The following ABLIM2 variants were observed in gnomAD, a reference collection of about 807,000 sequenced individuals.
The protein encoded by ABLIM2 is actin-binding LIM protein 2.
A neutral mutation model predicts 97.7 loss-of-function variants in ABLIM2; 53 were observed. The observed-to-expected ratio is 0.54, with a 90% CI of 0.44 to 0.68. The LOEUF (loss-of-function observed/expected upper bound fraction) is 0.68. Ranked by LOEUF, ABLIM2 falls within the 30% of genes least tolerant of loss-of-function variation. The pLI is 0.00. For missense variants in ABLIM2, 835 were observed against 867.2 expected, an observed-to-expected ratio of 0.96 and a Z score of 0.47; for synonymous variants, 361 against 345.8, an observed-to-expected ratio of 1.04 and a Z score of -0.49.
At chr4:8,040,964 C>T (rs891095528) in intron 9 of ABLIM2, among the ~76,000 whole-genome samples, 3 of 152,238 alleles carry the variant, frequency 2.0e-5, no homozygotes, top group Non-Finnish European at 4.4e-5. Flanking sequence ...GGTCCCTGGG[C>T]AGCTCTGAGG....
At chr4:8,011,479 C>T (rs1282655720) in intron 14 of ABLIM2, among the ~76,000 whole-genome samples, 1 of 152,228 alleles carries the variant, frequency 6.6e-6, no homozygotes, top group Non-Finnish European at 1.5e-5. Flanking sequence ...AGCTCTGAGC[C>T]TCAGTTTCCT....
chr4:8,094,865 T>A (rs931223770), intron 3 of ABLIM2, among the ~76,000 whole-genome samples: 2 of 152,024 alleles, frequency 1.3e-5, no homozygotes, highest in Non-Finnish European at 2.9e-5. Flanking sequence ...AACCCACAAT[T>A]ACTTTTGCAA....
intron 10 of ABLIM2, among the ~76,000 whole-genome samples, chr4:8,031,339 C>G (rs1259301275): frequency 8.5e-6 from 1 of 118,088 alleles, no homozygotes; most frequent in African/African-American, 2.7e-5. Flanking sequence ...TCAGGCAGAC[C>G]CTGCACCTCA....
Position 8,123,786 on chromosome 4 carries a change from G to A in ABLIM2, c.11-17149C>T, listed in dbSNP as rs1456878100. Among the ~76,000 whole-genome samples the A allele has an allele frequency of 6.6e-6, 1 of 152,174 alleles. No individual in the cohort carries two copies. Among genetic ancestry groups the A allele is most frequent in the Non-Finnish European group, 1.5e-5 (1 of 68,036 alleles). On this transcript the variant is annotated intron_variant, in intron 1 of 20. Coordinates refer to ENST00000447017, the MANE Select transcript of ABLIM2 (RefSeq NM_001130083.2). The surrounding 1 kb of genome is among the most constrained non-coding windows in gnomAD (Gnocchi z 6.2). ...CGGCATTGGGTCACACAGCCCAACT[G>A]GGGTGACAAGGTCCTGGCTCCACCC...
chr4:7,969,069 T>C (rs1390766842), intron 20 of ABLIM2, among the ~76,000 whole-genome samples: 2 of 151,748 alleles, frequency 1.3e-5, no homozygotes, highest in Non-Finnish European at 2.9e-5. Context: ...GAGGTGGAGG[T>C]TGCAGTGAGC....
At position 8,083,298 on chromosome 4, in the gene ABLIM2, G is replaced by A. The variant is rs1299592147; in HGVS notation, c.455-2496C>T. ...GTCACTTCACCTCTCTGTGCCCCTG[G>A]AATGAGGGCACGTGTGATCCGTGAA... is the stretch of plus-strand genomic sequence containing the variant. On this transcript the variant is annotated intron_variant, in intron 4 of 20. Coordinates refer to ENST00000447017, the MANE Select transcript of ABLIM2 (RefSeq NM_001130083.2). This position sits in a 1 kb window ranked among gnomAD's most constrained non-coding sequence, Gnocchi z 4.6. 2.6e-5 allele frequency among the ~76,000 whole-genome samples: 4 copies of A among 152,194 alleles called. No individual in the cohort carries two copies. Among genetic ancestry groups the A allele is most frequent in the African/African-American group, 9.7e-5 (4 of 41,444 alleles).
At chr4:8,063,825 C>G (rs897936825) in intron 6 of ABLIM2, among the ~76,000 whole-genome samples, 3 of 152,206 alleles carry the variant, frequency 2.0e-5, no homozygotes, top group South Asian at 4.1e-4. Flanking sequence ...CCAAATACCC[C>G]CCTTGCCTTT....
intron 1 of ABLIM2, among the ~76,000 whole-genome samples, chr4:8,108,509 T>A (rs1240741350): frequency 2.0e-5 from 3 of 152,342 alleles, no homozygotes. Flanking sequence ...GGGAGGCGAC[T>A]ACTCTCCCTC....
rs149639882 is a variant in ABLIM2, at chr4:8,023,625, G to A, written c.1268-3322C>T. ...CTCTCCCCTCCCACATGGCGCTCTC[G>A]GGAAGGAGCCACTCTGTGTAGCCCA... is the stretch of plus-strand genomic sequence containing the variant. On this transcript the variant is annotated intron_variant, in intron 12 of 20. Coordinates refer to ENST00000447017, the MANE Select transcript of ABLIM2 (RefSeq NM_001130083.2). The surrounding 1 kb of genome is among the most constrained non-coding windows in gnomAD (Gnocchi z 5.7). Among the ~76,000 whole-genome samples the A allele has an allele frequency of 9.3e-4, 141 of 152,304 alleles. No individual in the cohort carries two copies. The highest frequency in any genetic ancestry group is 2.9e-3 in the African/African-American group (122 of 41,570).
intron 20 of ABLIM2, among the ~76,000 whole-genome samples, chr4:7,974,181 A>G (rs1577612073): frequency 6.6e-6 from 1 of 152,108 alleles, no homozygotes; most frequent in African/African-American, 2.4e-5. Flanking sequence ...CTGTCTATCT[A>G]TCTATCTATC....
chr4:8,090,205 G>C (rs1010944242), intron 3 of ABLIM2, among the ~76,000 whole-genome samples: 11 of 152,184 alleles, frequency 7.2e-5, no homozygotes, highest in Non-Finnish European at 1.5e-4. Flanking sequence ...CTGCCACCTG[G>C]GTCTCCGTGT....
At chr4:7,989,072 C>CTTTTTTTTTTTTTTT (rs71175445) in intron 17 of ABLIM2, among the ~76,000 whole-genome samples, 1 of 81,330 alleles carries the variant, frequency 1.2e-5, no homozygotes, top group African/African-American at 5.0e-5. Context: ...ACACATTAGT[C>CTTTTTTTTTTTTTTT]TTTTTTTTTT....
chr4:8,053,228 G>C (rs1015193551), intron 8 of ABLIM2, among the ~76,000 whole-genome samples: 4 of 152,208 alleles, frequency 2.6e-5, no homozygotes, highest in African/African-American at 9.7e-5. Flanking sequence ...GCAATCACTT[G>C]TCTCCTATCT....
rs1848264415 is a variant in ABLIM2, at chr4:8,127,003, C to A, written c.11-20366G>T. ...ATTACTTGAGCTCAGGAGGTTGAGG[C>A]TGCAGTAAGCCATGTTCATGCCACT... is the stretch of plus-strand genomic sequence containing the variant. On this transcript the variant is annotated intron_variant, in intron 1 of 20. Transcript: ENST00000447017. This position sits in a 1 kb window ranked among gnomAD's most constrained non-coding sequence, Gnocchi z 7.3. Among the ~76,000 whole-genome samples the A allele has an allele frequency of 6.6e-6, 1 of 151,110 alleles. No individual in the cohort carries two copies. The highest frequency in any genetic ancestry group is 6.6e-5 in the Admixed American group (1 of 15,182).
Position 8,122,114 on chromosome 4 carries a change from A to C in ABLIM2, c.11-15477T>G, listed in dbSNP as rs1845744789. Among the ~76,000 whole-genome samples the C allele has an allele frequency of 6.6e-6, 1 of 152,158 alleles. No individual in the cohort carries two copies. The highest frequency in any genetic ancestry group is 1.5e-5 in the Non-Finnish European group (1 of 68,026). On this transcript the variant is annotated intron_variant, in intron 1 of 20. Transcript: ENST00000447017. This position sits in a 1 kb window ranked among gnomAD's most constrained non-coding sequence, Gnocchi z 4.1. ...GACCTGACAATATGCCCCCAAGCAT[A>C]TACTGGCCACACCTCAGCTGCAACC...
intron 1 of ABLIM2, among the ~76,000 whole-genome samples, chr4:8,126,657 C>T (rs570963991): frequency 4.6e-5 from 7 of 152,186 alleles, no homozygotes; most frequent in Admixed American, 2.0e-4. Flanking sequence ...AGCAGGACAC[C>T]GGGCCAGGCA....
rs143393168 is a variant in ABLIM2, at chr4:8,152,113, C to T, written c.10+6567G>A. 2.3e-3 allele frequency among the ~76,000 whole-genome samples: 349 copies of T among 152,286 alleles called. 2 individuals are homozygous for T. Among genetic ancestry groups the T allele is most frequent in the Non-Finnish European group, 3.5e-3 (237 of 68,024 alleles). ...GAGAAGATGGGCTGTGTGAGACCCTCACCAAGAAGCGCCATCATGATGCCC... is the reference window on the plus strand; with the variant it reads ...GAGAAGATGGGCTGTGTGAGACCCTTACCAAGAAGCGCCATCATGATGCCC... On this transcript the variant is annotated intron_variant, in intron 1 of 20. Coordinates refer to ENST00000447017, the MANE Select transcript of ABLIM2 (RefSeq NM_001130083.2).
At chr4:8,036,790 GGCTTAAACATGTGTACATGCAC>G (rs773143405) in intron 9 of ABLIM2, among the ~76,000 whole-genome samples, 3 of 152,148 alleles carry the variant, frequency 2.0e-5, no homozygotes, top group Non-Finnish European at 4.4e-5. Flanking sequence ...CTCAGTCCAT[GGCTTAAACATGTGTACATGCAC>G]GCACACGTAC....
chr4:7,978,745 G>A (rs553419595), intron 20 of ABLIM2, among the ~76,000 whole-genome samples: 1 of 152,312 alleles, frequency 6.6e-6, no homozygotes, highest in East Asian at 1.9e-4. Flanking sequence ...TAGTATTCGT[G>A]CTTGGGATGG....
Sources: gnomAD v4.1 joint callset for allele counts (sites outside exome capture counted in the v4.1 genomes callset) on GRCh38, gnomAD v4.1.1 for gene constraint, Gnocchi (gnomAD v3.1) non-coding constraint, MANE v1.5 for transcripts, NCBI Gene and HGNC (gene_info 2026-07-23, HGNC 2026-07-21) for gene names.